PLCB1: variants seen among roughly 807,000 people sequenced by gnomAD.
PLCB1 encodes the protein 1-phosphatidylinositol 4,5-bisphosphate phosphodiesterase beta-1.
Under a neutral mutation model 161.8 loss-of-function variants are expected in PLCB1, and 46 were observed. The observed-to-expected ratio is 0.28, with a 90% CI of 0.22 to 0.36. The LOEUF is 0.36. Ranked by LOEUF, PLCB1 falls within the 10% of genes least tolerant of loss-of-function variation. PLCB1 has a pLI of 1.00. For synonymous variants in PLCB1, 517 were observed against 503.7 expected (o/e 1.03, Z -0.35); for missense variants, 1,016 against 1,472.5 (o/e 0.69, Z 5.07).
At chr20:8,739,794 A>G (rs1980777577) in intron 21 of PLCB1, among the ~76,000 whole-genome samples, 1 of 152,152 alleles carries the variant, frequency 6.6e-6, no homozygotes, top group Non-Finnish European at 1.5e-5. Flanking sequence ...CTAACTCTGC[A>G]TGTGCATTTT....
At chr20:8,628,501 G>T (rs1363585617) in intron 4 of PLCB1, 70 bp downstream of exon 4, 2 of 1,484,116 alleles carry the variant, frequency 1.3e-6, no homozygotes, top group African/African-American at 1.4e-5. Flanking sequence ...ACTAATGCCT[G>T]CAAAAGACTG....
intron 2 of PLCB1, among the ~76,000 whole-genome samples, chr20:8,277,121 C>T (rs1293352524): frequency 1.3e-5 from 2 of 151,736 alleles, no homozygotes; most frequent in African/African-American, 4.8e-5. Context: ...CTGCCTCAAC[C>T]TCCTGAGTAG....
chr20:8,342,446 C>T (rs1985842166), intron 2 of PLCB1, among the ~76,000 whole-genome samples: 1 of 152,160 alleles, frequency 6.6e-6, no homozygotes, highest in Admixed American at 6.5e-5. Flanking sequence ...AAAGCCATGG[C>T]CTTCATGGAT....
chr20:8,655,220 G>A (rs1002045040), intron 7 of PLCB1, among the ~76,000 whole-genome samples: 6 of 152,202 alleles, frequency 3.9e-5, no homozygotes, highest in East Asian at 3.9e-4. Context: ...GGACTCTTAC[G>A]TAAATGATGT....
intron 2 of PLCB1, among the ~76,000 whole-genome samples, chr20:8,346,095 TA>T (rs891346541): frequency 2.0e-5 from 3 of 152,204 alleles, no homozygotes; most frequent in African/African-American, 7.2e-5. Context: ...ATCGTGTTTT[TA>T]AAAAGAAAAT....
chr20:8,460,758 T>G (rs1211787640), intron 3 of PLCB1, among the ~76,000 whole-genome samples: 1 of 152,218 alleles, frequency 6.6e-6, no homozygotes, highest in Non-Finnish European at 1.5e-5. Context: ...AAAGCTTTTT[T>G]CTAAAGCCCC....
chr20:8,349,812 A>AG (rs1012107375), intron 2 of PLCB1, among the ~76,000 whole-genome samples: 2 of 152,178 alleles, frequency 1.3e-5, no homozygotes, highest in Non-Finnish European at 2.9e-5. Context: ...GGAGATATGG[A>AG]GGGGTCAGAA....
chr20:8,473,869 A>C (rs1982159262), intron 3 of PLCB1, among the ~76,000 whole-genome samples: 1 of 152,196 alleles, frequency 6.6e-6, no homozygotes, highest in Admixed American at 6.5e-5. Context: ...AACCCCATTT[A>C]TATAATATGG....
intron 31 of PLCB1, among the ~76,000 whole-genome samples, chr20:8,821,831 C>G (rs1023846978): frequency 2.6e-5 from 4 of 151,866 alleles, no homozygotes; most frequent in Non-Finnish European, 5.9e-5. Flanking sequence ...CCTCTCCACC[C>G]GCCCCCTCGC....
intron 1 of PLCB1, among the ~76,000 whole-genome samples, chr20:8,144,051 A>G (rs1383315270): frequency 6.6e-6 from 1 of 152,216 alleles, no homozygotes; most frequent in East Asian, 1.9e-4. Context: ...AATTGCTCCC[A>G]GTTGAGAACC....
intron 3 of PLCB1, among the ~76,000 whole-genome samples, chr20:8,591,373 G>T (rs1427638520): frequency 6.6e-6 from 1 of 152,086 alleles, no homozygotes; most frequent in African/African-American, 2.4e-5. Context: ...GCACAAAGTA[G>T]ATAATAAGCA....
chr20:8,508,360 AAAC>A (rs1426752018), intron 3 of PLCB1, among the ~76,000 whole-genome samples: 5 of 152,154 alleles, frequency 3.3e-5, no homozygotes, highest in Non-Finnish European at 7.3e-5. Flanking sequence ...TAACTTTTTG[AAAC>A]AACAAGAACT....
In PLCB1 at chr20:8,760,541, A is replaced by G. The variant is rs2294596; in HGVS notation, c.2710+81A>G. 0.35 allele frequency: 325,077 copies of G among 920,148 alleles called. 59,963 individuals are homozygous for G. Among genetic ancestry groups the G allele is most frequent in the East Asian group, 0.51 (20,365 of 40,090 alleles). 57.0% of individuals were successfully genotyped at this position (920,148 alleles called of 1,614,324 possible). A position where few individuals can be genotyped will look rare whatever the true frequency, so the allele number is the denominator to read the frequency against. ...AGTATTTAGAGGAGAGGAAATTTCC[A>G]TTCATATCTGAAAAACAACATCATT... On this transcript the variant is annotated intron_variant, in intron 25 of 31. Coordinates refer to ENST00000338037, the MANE Select transcript of PLCB1 (RefSeq NM_015192.4).
chr20:8,399,763 A>C (rs899366458), intron 3 of PLCB1, among the ~76,000 whole-genome samples: 6 of 152,022 alleles, frequency 3.9e-5, no homozygotes, highest in African/African-American at 1.4e-4. Context: ...TTATTTTTTC[A>C]AATTCCTAGA....
intron 2 of PLCB1, among the ~76,000 whole-genome samples, chr20:8,246,751 G>A (rs1358596412): frequency 6.6e-6 from 1 of 151,830 alleles, no homozygotes; most frequent in Non-Finnish European, 1.5e-5. Flanking sequence ...TGTTTCTGCT[G>A]AGAATACCTT....
chr20:8,593,774 T>A, intron 3 of PLCB1, among the ~76,000 whole-genome samples: 1 of 152,196 alleles, frequency 6.6e-6, no homozygotes, highest in East Asian at 1.9e-4. Flanking sequence ...TTTTATGGAC[T>A]TTGCCTTGCA....
chr20:8,208,077 C>G lies in PLCB1; in HGVS notation c.177+57706C>G, dbSNP rs570000593. ...GCACTGGAAGGCATTTTTAGAACAT[C>G]TGGAGATTTGCTTCCTTTTGTCAGA... On this transcript the variant is annotated intron_variant, in intron 2 of 31. Coordinates refer to ENST00000338037, the MANE Select transcript of PLCB1 (RefSeq NM_015192.4). Among the ~76,000 whole-genome samples the G allele has an allele frequency of 2.0e-5, 3 of 152,240 alleles. No homozygotes were observed. In the South Asian group the frequency reaches 6.2e-4, roughly 32 times the overall value.
intron 2 of PLCB1, among the ~76,000 whole-genome samples, chr20:8,354,373 G>A (rs1409641146): frequency 1.3e-5 from 2 of 152,104 alleles, no homozygotes; most frequent in Admixed American, 6.5e-5. Flanking sequence ...AATGGGATAG[G>A]AAGGAAAACT....
At chr20:8,273,207 C>T (rs1035768675) in intron 2 of PLCB1, among the ~76,000 whole-genome samples, 5 of 152,092 alleles carry the variant, frequency 3.3e-5, no homozygotes, top group East Asian at 3.9e-4. Flanking sequence ...AGGAAGTTGG[C>T]GAGTAACCAA....
Sources: gnomAD v4.1 joint callset for allele counts (sites outside exome capture counted in the v4.1 genomes callset) on GRCh38, gnomAD v4.1.1 for gene constraint, MANE v1.5 for transcripts, NCBI Gene and HGNC (gene_info 2026-07-23, HGNC 2026-07-21) for gene names.